Variants in PIK3R2 observed in about 807,000 individuals in gnomAD.
PIK3R2 encodes phosphoinositide-3-kinase regulatory subunit 2.
A neutral mutation model predicts 78.5 loss-of-function variants in PIK3R2; 40 were observed. That is an observed-to-expected ratio of 0.51 (90% CI 0.40 to 0.66). PIK3R2 has a LOEUF of 0.66. Ranked by LOEUF, PIK3R2 falls within the 30% of genes least tolerant of loss-of-function variation. The pLI is 0.00. For missense variants in PIK3R2, 880 were observed against 1,026.6 expected (o/e 0.86, Z 1.95); for synonymous variants, 473 against 457.7 (o/e 1.03, Z -0.43).
chr19:18,169,581 C>T lies in PIK3R2; in HGVS notation c.*287C>T, dbSNP rs1967133880. The T allele has an allele frequency of 1.0e-5, 3 of 297,294 alleles. No homozygotes were observed. The highest frequency in any genetic ancestry group is 1.9e-5 in the Non-Finnish European group (3 of 159,442). 18.4% of individuals were successfully genotyped at this position (297,294 alleles called of 1,614,324 possible). On this transcript the variant is annotated 3_prime_UTR_variant, in exon 16 of 16. Transcript: ENST00000222254. ...CGTGTCCTCCGGGCATTGCCCTCTC[C>T]ATGGCTCTGGTCACCCTGACCCTCT...
rs752534856 is a variant in PIK3R2 at position 18,163,369 on chromosome 19, AGTACACACG to A, written c.1399_1407del (p.Tyr467_Arg469del). On this transcript the variant is annotated inframe_deletion, in exon 11 of 16. Coordinates refer to ENST00000222254, the MANE Select transcript of PIK3R2 (RefSeq NM_005027.4). The stretch of plus-strand genomic sequence containing the variant: ...CGCGAGTATGACCAGCTTTATGAAG[AGTACACACG>A]GACCTCCCAGGTACTCCAGGCCCCG... The A allele has an allele frequency of 6.2e-7, 1 of 1,614,070 alleles. No individual in the cohort carries two copies. The highest frequency in any genetic ancestry group is 1.3e-5 in the African/African-American group (1 of 75,028).
At position 18,166,198 on chromosome 19, in the gene PIK3R2, T is replaced by A. The variant is rs1305385545; in HGVS notation, c.1455T>A (p.Asn485Lys). The A allele has an allele frequency of 4.3e-6, 7 of 1,613,608 alleles. No homozygotes were observed. The highest frequency in any genetic ancestry group is 5.9e-6 in the Non-Finnish European group (7 of 1,179,696). ...AGCGTACTGCAATTGAGGCCTTCAA[T>A]GAGACTATCAAGATCTTTGAAGAGC... The part of the protein sequence containing the change: ...QMKRTAIEAF[N>K]ETIKIFEEQG... The change falls in exon 12 of 16, where the codon AAT (asparagine) becomes AAA (lysine). Residue 485 changes from asparagine (N) to lysine (K), a missense_variant. Physicochemically the swap from Asn to Lys is moderately conservative, Grantham distance 94 (BLOSUM62 0). Coordinates refer to ENST00000222254, the MANE Select transcript of PIK3R2 (RefSeq NM_005027.4).
Position 18,168,308 on chromosome 19 carries a change from G to C in PIK3R2, c.1737-167G>C, listed in dbSNP as rs1299509155. On this transcript the variant is annotated intron_variant, in intron 13 of 15. Transcript: ENST00000222254. The surrounding 1 kb of genome is among the most constrained non-coding windows in gnomAD (Gnocchi z 4.1). The stretch of plus-strand genomic sequence containing the variant: ...CAGCAGAGCTGGGCGAGCCACCCTG[G>C]GTTCAGGCTGCCCTGAGCCAGGTCA... Among the ~76,000 whole-genome samples, 1 of 152,110 alleles carries C rather than the reference G, an allele frequency of 6.6e-6. No homozygotes were observed.
chr19:18,160,536 A>G lies in PIK3R2; in HGVS notation c.388A>G (p.Lys130Glu), dbSNP rs1248030833. The change falls in exon 3 of 16, where the codon AAG (lysine) becomes GAG (glutamate). Residue 130 changes from lysine to glutamate, a missense_variant. By Grantham distance (56) the Lys-to-Glu change is moderately conservative. Coordinates refer to ENST00000222254, the MANE Select transcript of PIK3R2 (RefSeq NM_005027.4). ...PPDVAPPLLV[K>E]LVEAIERTGL... ...TGATGTGGCTCCCCCTCTTCTGGTG[A>G]AGCTTGTGGAGGCCATTGAAAGGAC... The G allele has an allele frequency of 6.2e-7, 1 of 1,613,616 alleles. No homozygotes were observed. The highest frequency in any genetic ancestry group is 1.7e-5 in the Admixed American group (1 of 59,976).
chr19:18,159,120 G>C (rs984428887), intron 2 of PIK3R2, among the ~76,000 whole-genome samples: 2 of 136,012 alleles, frequency 1.5e-5, no homozygotes, highest in Non-Finnish European at 3.1e-5. Context: ...GGGATTATAG[G>C]AGTGAGCCAC....
rs776953143 is a variant in PIK3R2 at position 18,162,086 on chromosome 19, T to G, written c.901+35T>G. On this transcript the variant is annotated intron_variant, in intron 7 of 15. Coordinates refer to ENST00000222254, the MANE Select transcript of PIK3R2 (RefSeq NM_005027.4). ...CTGTATTGCTGTCATTTCTTCCCGT[T>G]GGGGGCCGTAAATACTGATCCCTGA... 2.9e-5 allele frequency: 46 copies of G among 1,595,754 alleles called. 3 individuals carry two copies. In the South Asian group the frequency reaches 5.1e-4, roughly 18 times the overall value.
At position 18,162,162 on chromosome 19, in the gene PIK3R2, C is replaced by T. The variant is rs141226349; in HGVS notation, c.902-40C>T. 1.9e-4 allele frequency: 268 copies of T among 1,409,536 alleles called. No homozygotes were observed. The African/African-American group carries it at 3.5e-3, about 18-fold the overall frequency. The allele number at this position is 1,409,536 out of a possible 1,614,324, so 87.3% of individuals were successfully genotyped here. On this transcript the variant is annotated intron_variant, in intron 7 of 15. Transcript: ENST00000222254. ...TGCAGTGGGAGGCAGCCACAGTATA[C>T]AGTCGGTGCTCAGGATGCATTTGTT...
At chr19:18,158,909 C>T (rs549664825) in intron 2 of PIK3R2, among the ~76,000 whole-genome samples, 1 of 152,224 alleles carries the variant, frequency 6.6e-6, no homozygotes, top group East Asian at 1.9e-4. Flanking sequence ...ATGGCGCAAT[C>T]TTGGCTCCTG....
At position 18,161,949 on chromosome 19, in the gene PIK3R2, C is replaced by T; in HGVS notation, c.816-17C>T. On this transcript the variant is annotated splice_polypyrimidine_tract_variant and intron_variant, in intron 6 of 15. Transcript: ENST00000222254. This position sits in a 1 kb window ranked among gnomAD's most constrained non-coding sequence, Gnocchi z 5.3. ...CAGGCCCTACCCAGCCCTCACCACA[C>T]TCCCCTTCCCCCTAAGGAGTGAGCC... The T allele has an allele frequency of 3.7e-6, 6 of 1,611,550 alleles. No homozygotes were observed. The highest frequency in any genetic ancestry group is 1.7e-5 in the Admixed American group (1 of 60,006).
intron 1 of PIK3R2, among the ~76,000 whole-genome samples, 152 bp downstream of exon 1, chr19:18,153,446 G>A (rs2043638978): frequency 6.6e-6 from 1 of 152,202 alleles, no homozygotes; most frequent in African/African-American, 2.4e-5. Context: ...CAGGCAAGGG[G>A]GGGCCTCGGG....
chr19:18,163,220 G>T, intron 10 of PIK3R2, 43 bp from the exon 11 acceptor site: 2 of 1,613,908 alleles, frequency 1.2e-6, no homozygotes, highest in South Asian at 1.1e-5. Flanking sequence ...AGGTAGACCC[G>T]ACCAGGCTAT....
At chr19:18,164,169 T>G (rs981337449) in intron 11 of PIK3R2, among the ~76,000 whole-genome samples, 6 of 151,980 alleles carry the variant, frequency 3.9e-5, no homozygotes, top group African/African-American at 7.3e-5. Flanking sequence ...GTGTACAAGC[T>G]TTTACAAAAC....
intron 11 of PIK3R2, among the ~76,000 whole-genome samples, chr19:18,165,161 A>G (rs946212675): frequency 1.3e-5 from 2 of 151,396 alleles, no homozygotes; most frequent in African/African-American, 4.8e-5. Context: ...CGAGGTAAGG[A>G]GTTCAAGACC....
Position 18,161,444 on chromosome 19 carries a change from T to G in PIK3R2, c.764T>G (p.Leu255Arg). 1.7e-6 allele frequency: 2 copies of G among 1,200,270 alleles called. No homozygotes were observed. Among genetic ancestry groups the G allele is most frequent in the Non-Finnish European group, 2.1e-6 (2 of 970,542 alleles). The allele number at this position is 1,200,270 out of a possible 1,614,324, so 74.4% of individuals were successfully genotyped here. A position where few individuals can be genotyped will look rare whatever the true frequency, so the allele number is the denominator to read the frequency against. ...ALGATFGPLL[L>R]RAPPPPSSPP... ...GGCGCCACCTTTGGGCCGCTGCTGC[T>G]GCGCGCGCCGCCGCCGCCGTCCTCG... The change falls in exon 6 of 16, where the codon CTG (leucine) becomes CGG (arginine). Residue 255 changes from leucine (L) to arginine (R), a missense_variant. Leu to Arg is a moderately radical substitution (Grantham distance 102). Coordinates refer to ENST00000222254, the MANE Select transcript of PIK3R2 (RefSeq NM_005027.4). This position sits in a 1 kb window ranked among gnomAD's most constrained non-coding sequence, Gnocchi z 5.3.
rs1321315405 is a variant in PIK3R2 at position 18,162,016 on chromosome 19, A to G, written c.866A>G (p.Gln289Arg). The G allele has an allele frequency of 6.2e-7, 1 of 1,613,844 alleles. No individual in the cohort carries two copies. The highest frequency in any genetic ancestry group is 2.2e-5 in the East Asian group (1 of 44,892). Residue 289 changes from glutamine (Q) to arginine (R), a missense_variant, in exon 7 of 16, where the codon CAG (glutamine) becomes CGG (arginine). Transcript: ENST00000222254. Reference sequence around the variant, plus strand: ...GCGCTGCTGGTGGAGAAGCTGCTTCAGGAACACTTGGAAGAGCAGGAGGTT... The same window carrying G: ...GCGCTGCTGGTGGAGAAGCTGCTTCGGGAACACTTGGAAGAGCAGGAGGTT... ...FPALLVEKLL[Q>R]EHLEEQEVAP...
In PIK3R2 at chr19:18,170,398, C is replaced by G. The variant is rs1382173689; in HGVS notation, c.*1104C>G. The G allele has an allele frequency of 1.3e-5, 2 of 152,154 alleles. No individual in the cohort carries two copies. The highest frequency in any genetic ancestry group is 4.8e-5 in the African/African-American group (2 of 41,430). The allele number at this position is 152,154 out of a possible 1,614,324, so 9.4% of individuals were successfully genotyped here. On this transcript the variant is annotated 3_prime_UTR_variant, in exon 16 of 16. Transcript: ENST00000222254. ...TGTTTTTCCTTGACTGCAAAACCCT[C>G]TTTCCTCTCCTCTTTTGGGACAAGA...
Position 18,161,890 on chromosome 19 carries a change from C to T in PIK3R2, c.816-76C>T. On this transcript the variant is annotated intron_variant, in intron 6 of 15. Coordinates refer to ENST00000222254, the MANE Select transcript of PIK3R2 (RefSeq NM_005027.4). The surrounding 1 kb of genome is among the most constrained non-coding windows in gnomAD (Gnocchi z 5.3). Reference sequence around the variant, plus strand: ...TCGTATATACCCCCAGGCGTGCAAGCGCACGCACAATCCTGTGCACATGCG... The same window carrying T: ...TCGTATATACCCCCAGGCGTGCAAGTGCACGCACAATCCTGTGCACATGCG... The T allele has an allele frequency of 8.3e-7, 1 of 1,201,460 alleles. No individual in the cohort carries two copies. Among genetic ancestry groups the T allele is most frequent in the African/African-American group, 1.5e-5 (1 of 67,136 alleles). The allele number at this position is 1,201,460 out of a possible 1,614,324, so 74.4% of individuals were successfully genotyped here. A position where few individuals can be genotyped will look rare whatever the true frequency, so the allele number is the denominator to read the frequency against.
chr19:18,161,209 G>A lies in PIK3R2; in HGVS notation c.598+24G>A, dbSNP rs183510863. The A allele has an allele frequency of 2.0e-3, 3,083 of 1,536,562 alleles. 3 individuals carry two copies. Among genetic ancestry groups the A allele is most frequent in the Admixed American group, 2.6e-3 (130 of 50,330 alleles). Reference sequence around the variant, plus strand: ...GGGTGAGCCTGGCGGGTAGCCCGGGGGAAGGAGGGGGCTGTAGCGGGTGGG... The same window carrying A: ...GGGTGAGCCTGGCGGGTAGCCCGGGAGAAGGAGGGGGCTGTAGCGGGTGGG... On this transcript the variant is annotated intron_variant, in intron 5 of 15. Coordinates refer to ENST00000222254, the MANE Select transcript of PIK3R2 (RefSeq NM_005027.4). The surrounding 1 kb of genome is among the most constrained non-coding windows in gnomAD (Gnocchi z 5.3).
Position 18,162,390 on chromosome 19 carries a change from T to A in PIK3R2, c.1011-18T>A, listed in dbSNP as rs2043758819. On this transcript the variant is annotated intron_variant, in intron 8 of 15. Coordinates refer to ENST00000222254, the MANE Select transcript of PIK3R2 (RefSeq NM_005027.4). ...TCTCCAGGTGGCTCGGCAGTCCCAATGTTGGATGTTCCCACAGGGAGGAGG... is the reference window on the plus strand; with the variant it reads ...TCTCCAGGTGGCTCGGCAGTCCCAAAGTTGGATGTTCCCACAGGGAGGAGG... 3 of 1,611,888 alleles carry A rather than the reference T, an allele frequency of 1.9e-6. No homozygotes were observed. Among genetic ancestry groups the A allele is most frequent in the Non-Finnish European group, 2.5e-6 (3 of 1,178,672 alleles).
Sources: allele counts gnomAD v4.1 joint callset (sites outside exome capture counted in the v4.1 genomes callset), GRCh38; gene constraint gnomAD v4.1.1; non-coding constraint Gnocchi (gnomAD v3.1); transcripts MANE v1.5; gene names NCBI Gene and HGNC (gene_info 2026-07-23, HGNC 2026-07-21).